The following COG6 variants were observed in gnomAD, a reference collection of about 807,000 sequenced individuals.
COG6 encodes component of oligomeric golgi complex 6.
COG6 carries 74 observed loss-of-function variants against 88.8 expected under a neutral mutation model. That is an observed-to-expected ratio of 0.83 (90% CI 0.69 to 1.01). The LOEUF is 1.01. COG6 is among the 50% of genes least tolerant of loss of function. COG6 has a pLI of 0.00. For missense variants in COG6, 800 were observed against 797.9 expected, an observed-to-expected ratio of 1.00 and a Z score of -0.03; for synonymous variants, 286 against 278.7, an observed-to-expected ratio of 1.03 and a Z score of -0.26.
rs558610567 is a variant in COG6 at position 39,791,605 on chromosome 13, T to C, written c.*3249T>C. 173 of 152,158 alleles carry C rather than the reference T, an allele frequency of 1.1e-3. 1 individual carries two copies. The highest frequency in any genetic ancestry group is 1.2e-4 in the Non-Finnish European group (8 of 67,902). 9.4% of individuals were successfully genotyped at this position (152,158 alleles called of 1,614,324 possible). A position where few individuals can be genotyped will look rare whatever the true frequency, so the allele number is the denominator to read the frequency against. On this transcript the variant is annotated 3_prime_UTR_variant, in exon 19 of 19. Coordinates refer to the COG6 transcript ENST00000416691. ...AAAAACCTTCTCATTACAGAACATA[T>C]ACAAAACTGCTGAATAAAACGAGGC...
At chr13:39,743,434 A>C (rs8000127) in intron 18 of COG6, among the ~76,000 whole-genome samples, 151,249 of 152,288 alleles carry the variant, frequency 0.99, 75,112 homozygotes, top group Middle Eastern at 1. Flanking sequence ...CACCACTGAT[A>C]CCACAGACAT....
intron 12 of COG6, among the ~76,000 whole-genome samples, chr13:39,698,914 C>T (rs1877421231): frequency 6.6e-6 from 1 of 151,716 alleles, no homozygotes; most frequent in Non-Finnish European, 1.5e-5. Context: ...TAGCCTTATA[C>T]AATAGCAAAT....
intron 11 of COG6, among the ~76,000 whole-genome samples, chr13:39,691,133 T>G (rs1218797751): frequency 6.6e-6 from 1 of 151,854 alleles, no homozygotes; most frequent in Non-Finnish European, 1.5e-5. Context: ...AGTAGGTGTA[T>G]GCTTTTCCTT....
At chr13:39,714,055 C>CT (rs1566191857) in intron 13 of COG6, among the ~76,000 whole-genome samples, 2 of 152,294 alleles carry the variant, frequency 1.3e-5, no homozygotes, top group Non-Finnish European at 2.9e-5. Context: ...ACCATCAACT[C>CT]TAACTGTGGC....
intron 13 of COG6, among the ~76,000 whole-genome samples, chr13:39,712,482 C>T (rs1471316186): frequency 6.6e-6 from 1 of 152,124 alleles, no homozygotes; most frequent in Non-Finnish European, 1.5e-5. Context: ...AACTATGCTG[C>T]AGGAACATAA....
At chr13:39,656,690 A>G (rs1040500992) in intron 1 of COG6, 2 of 363,470 alleles carry the variant, frequency 5.5e-6, no homozygotes, top group African/African-American at 2.1e-5. Flanking sequence ...TTTGATTCCG[A>G]TATGTAAAAA....
At chr13:39,699,048 GTTA>G (rs1452677484) in intron 12 of COG6, among the ~76,000 whole-genome samples, 1 of 151,770 alleles carries the variant, frequency 6.6e-6, no homozygotes. Flanking sequence ...TTATAGGTGT[GTTA>G]TTGATATAGT....
chr13:39,679,640 A>C lies in COG6; in HGVS notation c.623+20A>C, dbSNP rs955715710. The stretch of plus-strand genomic sequence containing the variant: ...GGCAGGGTGAGTAACTGCTCACTGA[A>C]CTAATTGCATTGCTGCTTATGTTTC... On this transcript the variant is annotated intron_variant, in intron 6 of 18. Transcript: ENST00000455146. 6.8e-7 allele frequency: 1 copy of C among 1,460,834 alleles called. No homozygotes were observed. The highest frequency in any genetic ancestry group is 1.4e-5 in the African/African-American group (1 of 72,080). 90.5% of individuals were successfully genotyped at this position (1,460,834 alleles called of 1,614,324 possible).
intron 18 of COG6, among the ~76,000 whole-genome samples, chr13:39,759,996 C>T: frequency 6.6e-6 from 1 of 152,100 alleles, no homozygotes; most frequent in East Asian, 1.9e-4. Flanking sequence ...TCTAGGATTT[C>T]AAAGTTTATA....
intron 4 of COG6, among the ~76,000 whole-genome samples, chr13:39,670,599 T>C (rs139393603): frequency 1.7e-3 from 263 of 152,128 alleles, no homozygotes; most frequent in African/African-American, 6.0e-3. Context: ...AACTAAATTA[T>C]TTACGTAAGT....
chr13:39,738,404 CAAATA>C (rs1233627673), intron 18 of COG6, among the ~76,000 whole-genome samples: 3 of 151,880 alleles, frequency 2.0e-5, no homozygotes, highest in African/African-American at 7.3e-5. Context: ...ACCATTGAAA[CAAATA>C]AAGTTATTTA....
At chr13:39,776,262 G>A (rs1302150373) in intron 18 of COG6, among the ~76,000 whole-genome samples, 1 of 152,198 alleles carries the variant, frequency 6.6e-6, no homozygotes, top group Non-Finnish European at 1.5e-5. Flanking sequence ...CAGAAGGGGA[G>A]CAAGAGGATA....
intron 18 of COG6, among the ~76,000 whole-genome samples, chr13:39,738,363 T>C (rs1448697795): frequency 6.6e-6 from 1 of 152,152 alleles, no homozygotes; most frequent in Non-Finnish European, 1.5e-5. Context: ...TATATAATAT[T>C]GATTGGAGGT....
At chr13:39,764,148 G>A (rs1367471913) in intron 18 of COG6, among the ~76,000 whole-genome samples, 1 of 151,776 alleles carries the variant, frequency 6.6e-6, no homozygotes, top group African/African-American at 2.4e-5. Flanking sequence ...ATTTTGCAAG[G>A]TATATGTCCA....
chr13:39,771,790 C>T (rs1221288177), intron 18 of COG6, among the ~76,000 whole-genome samples: 1 of 152,262 alleles, frequency 6.6e-6, no homozygotes, highest in Non-Finnish European at 1.5e-5. Context: ...GGGCCCTTCT[C>T]ATCTCATCCC....
intron 3 of COG6, among the ~76,000 whole-genome samples, chr13:39,662,142 ATTTTTT>A (rs10629485): frequency 7.7e-6 from 1 of 130,654 alleles, no homozygotes; most frequent in Non-Finnish European, 1.6e-5. Context: ...TGTCCTTTGT[ATTTTTT>A]TTTTTTTTTT....
At chr13:39,788,027 A>G (rs1025696130) in intron 18 of COG6, among the ~76,000 whole-genome samples, 3 of 152,190 alleles carry the variant, frequency 2.0e-5, no homozygotes, top group East Asian at 1.9e-4. Context: ...CTTCCTTGCT[A>G]TGGAATTTCA....
intron 4 of COG6, among the ~76,000 whole-genome samples, chr13:39,668,973 T>C (rs1875452667): frequency 6.6e-6 from 1 of 152,180 alleles, no homozygotes; most frequent in Admixed American, 6.5e-5. Context: ...TTTATTTTTA[T>C]ACATTTTATC....
chr13:39,658,885 GT>G (rs1874701909), intron 1 of COG6, among the ~76,000 whole-genome samples: 1 of 152,142 alleles, frequency 6.6e-6, no homozygotes, highest in South Asian at 2.1e-4. Context: ...TCCAGAGATA[GT>G]TAATGTGCAC....
Sources: allele counts gnomAD v4.1 joint callset (sites outside exome capture counted in the v4.1 genomes callset), GRCh38; gene constraint gnomAD v4.1.1; transcripts MANE v1.5; gene names NCBI Gene and HGNC (gene_info 2026-07-23, HGNC 2026-07-21).